Variants in FILIP1L observed in about 807,000 individuals in gnomAD.
The protein encoded by FILIP1L is filamin A interacting protein 1 like.
A neutral mutation model predicts 96.6 loss-of-function variants in FILIP1L; 55 were observed. The observed-to-expected ratio is 0.57, with a 90% confidence interval of 0.46 to 0.71. The LOEUF (loss-of-function observed/expected upper bound fraction) is 0.71. FILIP1L is among the 30% of genes least tolerant of loss of function. The probability of loss-of-function intolerance (pLI) is 0.00; values close to 1 mark genes in which losing one functional copy is unlikely to be tolerated. For synonymous variants in FILIP1L, 467 were observed against 473.9 expected, an observed-to-expected ratio of 0.99 and a Z score of 0.19; for missense variants, 1,304 against 1,321.2, an observed-to-expected ratio of 0.99 and a Z score of 0.20.
intron 1 of FILIP1L, among the ~76,000 whole-genome samples, chr3:100,068,571 T>C (rs1327389712): frequency 6.6e-6 from 1 of 152,202 alleles, no homozygotes; most frequent in Non-Finnish European, 1.5e-5. Flanking sequence ...ATATAATACA[T>C]AGTATATGTA....
chr3:100,010,855 C>CT (rs1390017437), intron 1 of FILIP1L, among the ~76,000 whole-genome samples: 2 of 148,866 alleles, frequency 1.3e-5, no homozygotes, highest in African/African-American at 5.0e-5. Flanking sequence ...TCTCGAACTC[C>CT]TGACCTCATG....
intron 1 of FILIP1L, among the ~76,000 whole-genome samples, chr3:100,092,898 G>T (rs150205136): frequency 1.3e-5 from 2 of 151,466 alleles, no homozygotes; most frequent in Non-Finnish European, 2.9e-5. Flanking sequence ...GGACTTTCTG[G>T]TCAAATTCTA....
chr3:99,838,318 C>G (rs1942981394), intron 5 of FILIP1L, among the ~76,000 whole-genome samples: 1 of 152,202 alleles, frequency 6.6e-6, no homozygotes, highest in South Asian at 2.1e-4. Flanking sequence ...CTAACAGTGG[C>G]TTCAGGGAAG....
intron 1 of FILIP1L, among the ~76,000 whole-genome samples, chr3:100,044,312 A>G (rs1410187399): frequency 1.3e-5 from 2 of 152,192 alleles, no homozygotes; most frequent in African/African-American, 4.8e-5. Context: ...AGTTAGGGAA[A>G]CCAGTGAAAA....
In FILIP1L at chr3:99,914,282, G is replaced by C. The variant is rs186353367; in HGVS notation, c.605+9948C>G. On this transcript the variant is annotated intron_variant, in intron 4 of 5. Coordinates refer to ENST00000477258, the MANE Select transcript of FILIP1L (RefSeq NM_001387850.1). ...CAGACATTTCAGAGAATGAGCAATG[G>C]AAGTTTTTTTATTTTTGGAAGACCA... Among the ~76,000 whole-genome samples the C allele has an allele frequency of 2.0e-4, 31 of 152,264 alleles. No homozygotes were observed. The East Asian group carries it at 4.6e-3, about 23-fold the overall frequency.
intron 5 of FILIP1L, among the ~76,000 whole-genome samples, chr3:99,836,244 GAGAA>G (rs933270483): frequency 6.6e-6 from 1 of 152,156 alleles, no homozygotes; most frequent in Non-Finnish European, 1.5e-5. Context: ...GGGGAGGACA[GAGAA>G]AGAAATAATA....
chr3:99,846,448 C>T (rs1943368779), intron 5 of FILIP1L, among the ~76,000 whole-genome samples: 1 of 152,182 alleles, frequency 6.6e-6, no homozygotes. Flanking sequence ...TTTGAAAGAG[C>T]TAAAATTAAG....
chr3:100,004,209 C>T (rs1287672496), intron 1 of FILIP1L, among the ~76,000 whole-genome samples: 1 of 152,130 alleles, frequency 6.6e-6, no homozygotes, highest in Admixed American at 6.5e-5. Flanking sequence ...GAAACCTAAA[C>T]TCCAAGTAAA....
intron 1 of FILIP1L, among the ~76,000 whole-genome samples, chr3:99,992,242 C>G (rs181590843): frequency 6.6e-6 from 1 of 152,018 alleles, no homozygotes; most frequent in African/African-American, 2.4e-5. Flanking sequence ...TGAGAAACCT[C>G]CACACTGTTT....
intron 1 of FILIP1L, among the ~76,000 whole-genome samples, chr3:100,080,982 CATGT>C (rs932500702): frequency 1.3e-5 from 2 of 152,148 alleles, no homozygotes; most frequent in African/African-American, 4.8e-5. Flanking sequence ...AAAAAGGAGT[CATGT>C]ATTTATGTCA....
intron 1 of FILIP1L, among the ~76,000 whole-genome samples, chr3:100,097,581 T>C (rs1441747865): frequency 1.3e-5 from 2 of 152,238 alleles, no homozygotes; most frequent in Non-Finnish European, 2.9e-5. Context: ...AGCCTATATA[T>C]ATACATGTTT....
intron 4 of FILIP1L, 67 bp downstream of exon 4, chr3:99,924,163 G>C: frequency 7.7e-7 from 1 of 1,305,890 alleles, no homozygotes; most frequent in Non-Finnish European, 1.1e-6. Flanking sequence ...TTGTATCCCT[G>C]AGACCTGGTA....
intron 1 of FILIP1L, among the ~76,000 whole-genome samples, chr3:99,941,584 A>G (rs577808345): frequency 3.3e-5 from 5 of 152,340 alleles, no homozygotes; most frequent in African/African-American, 1.2e-4. Context: ...AACTGTGGGT[A>G]TGCATCACAG....
At chr3:100,022,563 TTTA>T (rs1438449790) in intron 1 of FILIP1L, among the ~76,000 whole-genome samples, 1 of 152,166 alleles carries the variant, frequency 6.6e-6, no homozygotes, top group Non-Finnish European at 1.5e-5. Flanking sequence ...ACACCCTTGG[TTTA>T]TTATTCTTTT....
At chr3:100,008,316 A>G (rs1221169451) in intron 1 of FILIP1L, among the ~76,000 whole-genome samples, 1 of 152,186 alleles carries the variant, frequency 6.6e-6, no homozygotes, top group Non-Finnish European at 1.5e-5. Context: ...TTTTAATACC[A>G]TAAGGACTTG....
intron 4 of FILIP1L, among the ~76,000 whole-genome samples, chr3:99,854,620 A>T (rs182097442): frequency 3.2e-4 from 49 of 152,282 alleles, no homozygotes; most frequent in African/African-American, 1.2e-3. Flanking sequence ...GTGCACTACA[A>T]GATGTTTAGC....
chr3:99,903,085 T>C (rs936630772), intron 4 of FILIP1L, among the ~76,000 whole-genome samples: 1 of 152,158 alleles, frequency 6.6e-6, no homozygotes, highest in Non-Finnish European at 1.5e-5. Context: ...GGTACCTTAT[T>C]TATCATCTCA....
chr3:99,900,927 G>T (rs1171506610), intron 4 of FILIP1L, among the ~76,000 whole-genome samples: 4 of 152,204 alleles, frequency 2.6e-5, no homozygotes, highest in Non-Finnish European at 5.9e-5. Flanking sequence ...GTATGCCTGA[G>T]GGGAAGGGGC....
chr3:99,874,036 A>G (rs1316687875), intron 4 of FILIP1L, among the ~76,000 whole-genome samples: 2 of 152,252 alleles, frequency 1.3e-5, no homozygotes, highest in Non-Finnish European at 2.9e-5. Context: ...GGTATCCATG[A>G]TAAGTCATAC....
Sources: allele counts gnomAD v4.1 joint callset (sites outside exome capture counted in the v4.1 genomes callset), GRCh38; gene constraint gnomAD v4.1.1; transcripts MANE v1.5; gene names NCBI Gene and HGNC (gene_info 2026-07-23, HGNC 2026-07-21).